The following MAGI2 variants were observed in gnomAD, a reference collection of about 807,000 sequenced individuals.
MAGI2 encodes membrane-associated guanylate kinase, WW and PDZ domain-containing protein 2.
In MAGI2, 35 loss-of-function variants were observed where a neutral mutation model predicts 133.3. The observed-to-expected ratio is 0.26, with a 90% CI of 0.20 to 0.35. MAGI2 has a LOEUF of 0.35. Ranked by LOEUF, MAGI2 falls within the 10% of genes least tolerant of loss-of-function variation. The probability of loss-of-function intolerance (pLI) is 1.00; values close to 1 mark genes in which losing one functional copy is unlikely to be tolerated. For missense variants in MAGI2, 1,636 were observed against 1,863.4 expected, an observed-to-expected ratio of 0.88 and a Z score of 2.25; for synonymous variants, 729 against 710.6, an observed-to-expected ratio of 1.03 and a Z score of -0.41.
intron 1 of MAGI2, among the ~76,000 whole-genome samples, chr7:79,305,281 G>A (rs1837697660): frequency 6.6e-6 from 1 of 152,104 alleles, no homozygotes; most frequent in African/African-American, 2.4e-5. Context: ...CAGAGTATGA[G>A]CTCAGTCACT....
chr7:79,345,137 C>G (rs547534356), intron 1 of MAGI2, among the ~76,000 whole-genome samples: 4 of 151,794 alleles, frequency 2.6e-5, no homozygotes, highest in Admixed American at 6.6e-5. Flanking sequence ...GAAACAGGAT[C>G]ACTGCAGATG....
At chr7:78,715,785 G>C (rs1819640052) in intron 2 of MAGI2, among the ~76,000 whole-genome samples, 1 of 72,434 alleles carries the variant, frequency 1.4e-5, no homozygotes. Flanking sequence ...CAAATAACTG[G>C]CATTTTTCCT....
chr7:78,642,302 C>A (rs1026087621), intron 2 of MAGI2, among the ~76,000 whole-genome samples: 3 of 152,122 alleles, frequency 2.0e-5, no homozygotes, highest in Non-Finnish European at 4.4e-5. Flanking sequence ...TATGCATATA[C>A]ACATAGCTTT....
At position 78,074,946 on chromosome 7, in the gene MAGI2, G is replaced by T. The variant is rs531698819; in HGVS notation, c.3706+4001C>A. 2.0e-5 allele frequency among the ~76,000 whole-genome samples: 3 copies of T among 152,346 alleles called. No homozygotes were observed. In the East Asian group the frequency reaches 5.8e-4, roughly 29 times the overall value. On this transcript the variant is annotated intron_variant, in intron 21 of 21. Coordinates refer to ENST00000354212, the MANE Select transcript of MAGI2 (RefSeq NM_012301.4). The stretch of plus-strand genomic sequence containing the variant: ...TCTCCTTAGAAAGGCCAGCTTTCGA[G>T]GTTGGCCATTGGCTGGTGCCTGGTG...
chr7:78,358,368 T>C (rs17852457), intron 7 of MAGI2: 39,481 of 151,258 alleles, frequency 0.26, 5,604 homozygotes, highest in East Asian at 0.49. Context: ...GCCAAGTGGG[T>C]TCTGCTGGGA....
intron 6 of MAGI2, among the ~76,000 whole-genome samples, chr7:78,394,440 C>T (rs1471570512): frequency 6.6e-6 from 1 of 152,162 alleles, no homozygotes; most frequent in Non-Finnish European, 1.5e-5. Context: ...GGCATGTCCT[C>T]TGCCACAGAA....
intron 1 of MAGI2, among the ~76,000 whole-genome samples, chr7:79,236,262 T>C (rs1006621939): frequency 6.6e-6 from 1 of 152,230 alleles, no homozygotes; most frequent in Non-Finnish European, 1.5e-5. Context: ...TGTTAATGGG[T>C]TAATACATGA....
At chr7:78,327,417 C>T (rs983473002) in intron 9 of MAGI2, among the ~76,000 whole-genome samples, 10 of 152,230 alleles carry the variant, frequency 6.6e-5, no homozygotes, top group Non-Finnish European at 1.3e-4. Flanking sequence ...TCTCCATCTT[C>T]TCTTCTTACA....
chr7:78,914,310 T>C (rs1010625316), intron 2 of MAGI2, among the ~76,000 whole-genome samples: 1 of 152,196 alleles, frequency 6.6e-6, no homozygotes, highest in Non-Finnish European at 1.5e-5. Context: ...TGTGCATTTC[T>C]AGGTGTTCAA....
intron 2 of MAGI2, among the ~76,000 whole-genome samples, chr7:78,900,516 C>T (rs1426435136): frequency 6.6e-6 from 1 of 152,096 alleles, no homozygotes; most frequent in Admixed American, 6.6e-5. Flanking sequence ...GCTCGGCCCT[C>T]TACCTACAAT....
intron 9 of MAGI2, among the ~76,000 whole-genome samples, chr7:78,262,887 C>T (rs568871143): frequency 8.9e-4 from 136 of 152,120 alleles, no homozygotes; most frequent in Middle Eastern, 6.8e-3. Context: ...GTATACTGCT[C>T]AAGGCTGAGG....
At chr7:78,289,244 G>C (rs1026303002) in intron 9 of MAGI2, among the ~76,000 whole-genome samples, 1 of 152,124 alleles carries the variant, frequency 6.6e-6, no homozygotes, top group African/African-American at 2.4e-5. Flanking sequence ...AGAATAAACA[G>C]CATAGAGAAG....
At chr7:78,522,148 C>T (rs1437818911) in intron 3 of MAGI2, among the ~76,000 whole-genome samples, 1 of 152,070 alleles carries the variant, frequency 6.6e-6, no homozygotes, top group East Asian at 1.9e-4. Context: ...GAGCTGTATC[C>T]CCGTGCCAGT....
intron 2 of MAGI2, among the ~76,000 whole-genome samples, chr7:78,920,868 T>C (rs1300981266): frequency 2.0e-5 from 3 of 152,130 alleles, no homozygotes; most frequent in African/African-American, 7.2e-5. Context: ...AGAAACAAAA[T>C]TGAAATGCCA....
Position 78,018,903 on chromosome 7 carries a change from A to T in MAGI2, c.*412T>A. 1 of 381,122 alleles carries T rather than the reference A, an allele frequency of 2.6e-6. No individual in the cohort carries two copies. The highest frequency in any genetic ancestry group is 4.6e-6 in the Non-Finnish European group (1 of 215,346). The allele number at this position is 381,122 out of a possible 1,614,324, so 23.6% of individuals were successfully genotyped here. ...GTTTCAGCTTGCTCCGTGCAGTTTG[A>T]TTTTTAAGGCGATATTCCAGTTTGT... is the stretch of plus-strand genomic sequence containing the variant. On this transcript the variant is annotated 3_prime_UTR_variant, in exon 22 of 22. Transcript: ENST00000354212.
At position 79,044,617 on chromosome 7, in the gene MAGI2, G is replaced by T. The variant is rs531042867; in HGVS notation, c.302-37411C>A. On this transcript the variant is annotated intron_variant, in intron 1 of 21. Transcript: ENST00000354212. ...GAAATAAAAGGCACTCAAATAGGAAGAAAGGAAGTCAAACTATCTATTTTG... is the reference window on the plus strand; with the variant it reads ...GAAATAAAAGGCACTCAAATAGGAATAAAGGAAGTCAAACTATCTATTTTG... 2.6e-5 allele frequency among the ~76,000 whole-genome samples: 4 copies of T among 151,816 alleles called. No individual in the cohort carries two copies. The Admixed American group carries it at 2.6e-4, about 10-fold the overall frequency.
At chr7:78,044,195 G>A (rs1398238481) in intron 21 of MAGI2, among the ~76,000 whole-genome samples, 1 of 152,154 alleles carries the variant, frequency 6.6e-6, no homozygotes, top group Admixed American at 6.5e-5. Flanking sequence ...TTTCAGAACC[G>A]AGAGTTCCTA....
At chr7:79,043,413 G>T (rs1811857520) in intron 1 of MAGI2, among the ~76,000 whole-genome samples, 1 of 151,254 alleles carries the variant, frequency 6.6e-6, no homozygotes, top group Admixed American at 6.6e-5. Context: ...TGTGTTGGTG[G>T]GCGCCTGTAA....
Position 78,052,592 on chromosome 7 carries a change from CT to C in MAGI2, c.3706+26354del, listed in dbSNP as rs1481156989. Among the ~76,000 whole-genome samples the C allele has an allele frequency of 3.3e-5, 5 of 152,348 alleles. No individual in the cohort carries two copies. The East Asian group carries it at 9.6e-4, about 29-fold the overall frequency. On this transcript the variant is annotated intron_variant, in intron 21 of 21. Coordinates refer to ENST00000354212, the MANE Select transcript of MAGI2 (RefSeq NM_012301.4). ...GGCAGCCAGGCATCCTGGACCATTG[CT>C]TACTCTCAGCAATGGGGACTTTTCA...
Sources: allele counts gnomAD v4.1 joint callset (sites outside exome capture counted in the v4.1 genomes callset), GRCh38; gene constraint gnomAD v4.1.1; transcripts MANE v1.5; gene names NCBI Gene and HGNC (gene_info 2026-07-23, HGNC 2026-07-21).